Variants in MYO9B observed in about 807,000 individuals in gnomAD.
MYO9B encodes the protein myosin IXB.
MYO9B carries 71 observed loss-of-function variants against 229.5 expected under a neutral mutation model. That is an observed-to-expected ratio of 0.31 (90% CI 0.26 to 0.38). The LOEUF (loss-of-function observed/expected upper bound fraction) is 0.38, where lower values mean the gene tolerates loss of function less well. Ranked by LOEUF, MYO9B falls within the 10% of genes least tolerant of loss-of-function variation. The pLI is 1.00. For synonymous variants in MYO9B, 1,185 were observed against 1,235.8 expected (o/e 0.96, Z 0.86); for missense variants, 2,255 against 2,920.5 (o/e 0.77, Z 5.25).
rs571678105 is a variant in MYO9B at position 17,088,721 on chromosome 19, G to GTT, written c.-59+12848_-59+12849insTT. ...TGTGAGAGAGAGAGAAACAGGATCT[G>GTT]TCTCTGTTGCCCAGGCTGGAGTGCA... On this transcript the variant is annotated intron_variant, in intron 1 of 39. Coordinates refer to ENST00000682292, the MANE Select transcript of MYO9B (RefSeq NM_004145.4). Among the ~76,000 whole-genome samples, 1,214 of 152,230 alleles carry GTT rather than the reference G, an allele frequency of 8.0e-3. 26 individuals are homozygous for GTT. The highest frequency in any genetic ancestry group is 6.3e-3 in the Non-Finnish European group (427 of 68,018).
chr19:17,086,840 A>G (rs954440158), intron 1 of MYO9B, among the ~76,000 whole-genome samples: 3 of 151,446 alleles, frequency 2.0e-5, no homozygotes, highest in Non-Finnish European at 4.4e-5. Flanking sequence ...AGATAGCGCT[A>G]CTGCACTTCA....
At chr19:17,128,654 G>A (rs769795902) in intron 2 of MYO9B, among the ~76,000 whole-genome samples, 29 of 152,358 alleles carry the variant, frequency 1.9e-4, no homozygotes, top group South Asian at 8.3e-4. Context: ...CACAGCTCTC[G>A]TCTGGGTCTG....
At chr19:17,147,672 A>ATTT (rs1027030377) in intron 3 of MYO9B, among the ~76,000 whole-genome samples, 26 of 81,238 alleles carry the variant, frequency 3.2e-4, no homozygotes, top group Non-Finnish European at 3.7e-4. Flanking sequence ...ACTATGTTTA[A>ATTT]TTTTTTTTTT....
intron 5 of MYO9B, 44 bp downstream of exon 5, chr19:17,154,110 C>T (rs374672229): frequency 2.4e-5 from 37 of 1,555,114 alleles, no homozygotes; most frequent in African/African-American, 2.2e-4. Context: ...CCTCTGTTCC[C>T]GGCCTCAAGC....
chr19:17,162,558 G>A, intron 9 of MYO9B, 92 bp downstream of exon 9: 1 of 1,114,802 alleles, frequency 9.0e-7, no homozygotes, highest in Non-Finnish European at 1.3e-6. Flanking sequence ...AACATCCGGA[G>A]CCGAGGCATC....
At position 17,195,533 on chromosome 19, in the gene MYO9B, G is replaced by C; in HGVS notation, c.4046+60G>C. The C allele has an allele frequency of 6.5e-7, 1 of 1,529,566 alleles. No individual in the cohort carries two copies. Among genetic ancestry groups the C allele is most frequent in the South Asian group, 1.2e-5 (1 of 83,908 alleles). 94.7% of individuals were successfully genotyped at this position (1,529,566 alleles called of 1,614,324 possible). ...GGTCCAGGCCAGGTGGGCAAGGCCA[G>C]GGGCAGTGCCACACATCCTGGAAAC... On this transcript the variant is annotated intron_variant, in intron 22 of 39. Coordinates refer to ENST00000682292, the MANE Select transcript of MYO9B (RefSeq NM_004145.4). The surrounding 1 kb of genome is among the most constrained non-coding windows in gnomAD (Gnocchi z 4.5).
chr19:17,088,635 C>G (rs925164748), intron 1 of MYO9B, among the ~76,000 whole-genome samples: 5 of 152,166 alleles, frequency 3.3e-5, no homozygotes, highest in Admixed American at 3.3e-4. Flanking sequence ...GCCCATTGAC[C>G]TCTGCAGTGG....
intron 1 of MYO9B, among the ~76,000 whole-genome samples, chr19:17,076,557 T>G (rs2057486341): frequency 6.6e-6 from 1 of 151,816 alleles, no homozygotes; most frequent in Non-Finnish European, 1.5e-5. Flanking sequence ...AGATAGATGT[T>G]GAGATGCAGC....
At chr19:17,166,313 G>A (rs1447940559) in intron 10 of MYO9B, among the ~76,000 whole-genome samples, 3 of 152,170 alleles carry the variant, frequency 2.0e-5, no homozygotes. Flanking sequence ...AAAGTGCTGG[G>A]ATTACAGGCG....
At chr19:17,190,637 C>CA (rs576678289) in intron 19 of MYO9B, among the ~76,000 whole-genome samples, 57,991 of 108,576 alleles carry the variant, frequency 0.53, 14,101 homozygotes, top group East Asian at 0.74. Flanking sequence ...GACCCCGTCT[C>CA]AAAAAAAAAA....
intron 2 of MYO9B, among the ~76,000 whole-genome samples, chr19:17,109,134 C>T (rs1012756178): frequency 6.6e-6 from 1 of 151,344 alleles, no homozygotes; most frequent in Non-Finnish European, 1.5e-5. Context: ...GGCGCGATCT[C>T]GGCTCACTGC....
Position 17,212,104 on chromosome 19 carries a change from G to A in MYO9B, c.6268G>A (p.Ala2090Thr). ...TCGCTGGGCACCGGGTGCCCGGGAG[G>A]CGGCTGCCCCAGTGCGGCGCCGGGA... ...LPRWAPGARE[A>T]AAPVRRREPP... Residue 2090 changes from alanine to threonine, a missense_variant, in exon 40 of 40, where the codon GCG (alanine) becomes ACG (threonine). Ala to Thr is a moderately conservative substitution (Grantham distance 58). Coordinates refer to ENST00000682292, the MANE Select transcript of MYO9B (RefSeq NM_004145.4). The surrounding 1 kb of genome is among the most constrained non-coding windows in gnomAD (Gnocchi z 5.4). 6.3e-7 allele frequency: 1 copy of A among 1,589,792 alleles called. No individual in the cohort carries two copies. Among genetic ancestry groups the A allele is most frequent in the Non-Finnish European group, 8.5e-7 (1 of 1,170,568 alleles).
In MYO9B at chr19:17,198,212, G is replaced by A. The variant is rs749597376; in HGVS notation, c.4142G>A (p.Arg1381Gln). ...GCAGCAGAAACCACGGACGGAGAGCGAAGTGCGAAAAAGCCAGCTGTCCAG... is the reference window on the plus strand; with the variant it reads ...GCAGCAGAAACCACGGACGGAGAGCAAAGTGCGAAAAAGCCAGCTGTCCAG... ...QPAAETTDGE[R>Q]SAKKPAVQKK... is the part of the protein sequence containing the mutation. Residue 1381 changes from arginine (R) to glutamine (Q), a missense_variant, in exon 24 of 40, where the codon CGA becomes CAA. Arg to Gln is a conservative substitution (Grantham distance 43, BLOSUM62 1). Around this residue, in one of 7 missense-constraint regions of MYO9B, gnomAD observed 679 missense variants for 770.2 expected, o/e 0.88. Transcript: ENST00000682292. 1.9e-4 allele frequency: 299 copies of A among 1,613,798 alleles called. 1 individual carries two copies. The highest frequency in any genetic ancestry group is 6.6e-4 in the Middle Eastern group (4 of 6,084).
Position 17,193,135 on chromosome 19 carries a change from T to C in MYO9B, c.3128+73T>C. 1 of 1,392,804 alleles carries C rather than the reference T, an allele frequency of 7.2e-7. No homozygotes were observed. The highest frequency in any genetic ancestry group is 9.4e-7 in the Non-Finnish European group (1 of 1,063,550). The allele number at this position is 1,392,804 out of a possible 1,614,324, so 86.3% of individuals were successfully genotyped here. A position where few individuals can be genotyped will look rare whatever the true frequency, so the allele number is the denominator to read the frequency against. ...AGGTCACTCACCAAATTGCTGCCCG[T>C]GATATACCATCTGGCCTGTGGCACT... On this transcript the variant is annotated intron_variant, in intron 21 of 39. Transcript: ENST00000682292. This position sits in a 1 kb window ranked among gnomAD's most constrained non-coding sequence, Gnocchi z 4.3.
At chr19:17,194,512 AGT>A in intron 21 of MYO9B, 42 bp from the exon 22 acceptor site, 1 of 1,590,386 alleles carries the variant, frequency 6.3e-7, no homozygotes, top group South Asian at 1.1e-5. Context: ...AGGTGGAGGG[AGT>A]GTTTGTTTCT....
intron 37 of MYO9B, 133 bp from the exon 38 acceptor site, chr19:17,210,582 G>A (rs1354309284): frequency 7.7e-7 from 1 of 1,292,288 alleles, no homozygotes; most frequent in Middle Eastern, 2.7e-4. Flanking sequence ...TGTCCCATGG[G>A]ATTCCTAGAG....
At chr19:17,131,910 C>A (rs746723071) in intron 2 of MYO9B, among the ~76,000 whole-genome samples, 3 of 152,094 alleles carry the variant, frequency 2.0e-5, no homozygotes, top group Non-Finnish European at 4.4e-5. Context: ...AACAGGGTCT[C>A]ACTCTGTCGT....
At chr19:17,149,480 C>T (rs371130539) in intron 3 of MYO9B, among the ~76,000 whole-genome samples, 6 of 152,182 alleles carry the variant, frequency 3.9e-5, no homozygotes, top group South Asian at 2.1e-4. Flanking sequence ...TTTGGAAAGT[C>T]GTATCTGTGG....
intron 14 of MYO9B, 80 bp downstream of exon 14, chr19:17,175,821 A>ATTAT: frequency 1.1e-6 from 1 of 879,526 alleles, no homozygotes; most frequent in Non-Finnish European, 1.7e-6. Flanking sequence ...GGAATGCTAC[A>ATTAT]TTCTTTTTTT....
Sources: allele counts gnomAD v4.1 joint callset (sites outside exome capture counted in the v4.1 genomes callset), GRCh38; gene constraint gnomAD v4.1.1; regional missense constraint gnomAD v4.1.1; non-coding constraint Gnocchi (gnomAD v3.1); transcripts MANE v1.5; gene names NCBI Gene and HGNC (gene_info 2026-07-23, HGNC 2026-07-21).